The following RGS6 variants were observed in gnomAD, a reference collection of about 807,000 sequenced individuals.
RGS6 encodes regulator of G protein signaling 6.
RGS6 carries 30 observed loss-of-function variants against 78.5 expected under a neutral mutation model. That is an observed-to-expected ratio of 0.38 (90% confidence interval 0.29 to 0.52). RGS6 has a LOEUF of 0.52. Ranked by LOEUF, RGS6 falls within the 20% of genes least tolerant of loss-of-function variation. The pLI is 0.85. For missense variants in RGS6, 495 were observed against 609.7 expected, an observed-to-expected ratio of 0.81 and a Z score of 1.98; for synonymous variants, 206 against 206.0, an observed-to-expected ratio of 1.00 and a Z score of 0.00.
intron 17 of RGS6, among the ~76,000 whole-genome samples, chr14:72,551,229 CA>C (rs2097502319): frequency 6.6e-6 from 1 of 152,164 alleles, no homozygotes; most frequent in African/African-American, 2.4e-5. Context: ...CCCCGTGACC[CA>C]CCCTTCAGCA....
chr14:72,047,647 T>C (rs1236402249), intron 2 of RGS6, among the ~76,000 whole-genome samples: 1 of 152,240 alleles, frequency 6.6e-6, no homozygotes, highest in African/African-American at 2.4e-5. Context: ...AGATATGGCA[T>C]TAACAGTGAT....
intron 2 of RGS6, among the ~76,000 whole-genome samples, chr14:72,064,726 A>G (rs1484698758): frequency 6.6e-6 from 1 of 152,260 alleles, no homozygotes; most frequent in East Asian, 1.9e-4. Flanking sequence ...AGTAGGTACA[A>G]CAAAAGAAGC....
chr14:72,390,140 C>T (rs973337807), intron 3 of RGS6, among the ~76,000 whole-genome samples: 6 of 149,072 alleles, frequency 4.0e-5, no homozygotes, highest in Non-Finnish European at 8.9e-5. Flanking sequence ...CTCTGTCACC[C>T]AGGATGGAGT....
intron 2 of RGS6, among the ~76,000 whole-genome samples, chr14:72,347,495 G>A (rs981066890): frequency 6.6e-6 from 1 of 152,202 alleles, no homozygotes; most frequent in Non-Finnish European, 1.5e-5. Context: ...ATGGTATTAA[G>A]TGCCTTGTGT....
chr14:72,066,010 T>C (rs1490497992), intron 2 of RGS6, among the ~76,000 whole-genome samples: 1 of 147,738 alleles, frequency 6.8e-6, no homozygotes, highest in Non-Finnish European at 1.5e-5. Context: ...TATTAAGCCA[T>C]GTCTCTGCCT....
At chr14:72,431,143 A>T (rs1195452962) in intron 3 of RGS6, among the ~76,000 whole-genome samples, 1 of 152,326 alleles carries the variant, frequency 6.6e-6, no homozygotes, top group East Asian at 1.9e-4. Context: ...GTACACTTGG[A>T]AACAACAAGG....
chr14:72,279,483 T>G (rs187697072), intron 2 of RGS6, among the ~76,000 whole-genome samples: 164 of 152,272 alleles, frequency 1.1e-3, no homozygotes, highest in African/African-American at 3.5e-3. Flanking sequence ...TAAGAAGGTC[T>G]CTTTGGCCTA....
the RGS6 span, among the ~76,000 whole-genome samples, chr14:71,897,814 C>A: frequency 6.6e-6 from 1 of 152,108 alleles, no homozygotes; most frequent in Non-Finnish European, 1.5e-5. Flanking sequence ...CCACCGCGCC[C>A]GGCCCCATGG....
chr14:72,409,758 CTG>C (rs1251596628), intron 3 of RGS6, among the ~76,000 whole-genome samples: 1 of 152,080 alleles, frequency 6.6e-6, no homozygotes, highest in Non-Finnish European at 1.5e-5. Context: ...GTTCCCCTTC[CTG>C]TGTCCATGTG....
At chr14:72,182,719 A>G (rs1598992324) in intron 2 of RGS6, among the ~76,000 whole-genome samples, 2 of 152,320 alleles carry the variant, frequency 1.3e-5, no homozygotes, top group East Asian at 1.9e-4. Context: ...TGCTCCCACT[A>G]TTTTAGATGA....
At chr14:72,051,505 G>A (rs1453145739) in intron 2 of RGS6, among the ~76,000 whole-genome samples, 2 of 152,064 alleles carry the variant, frequency 1.3e-5, no homozygotes, top group African/African-American at 2.4e-5. Flanking sequence ...AATTATAATA[G>A]CCAATGGTAT....
chr14:72,448,128 G>A (rs1259103900), intron 3 of RGS6, among the ~76,000 whole-genome samples: 5 of 152,188 alleles, frequency 3.3e-5, no homozygotes, highest in East Asian at 1.9e-4. Context: ...CCTAGTTGAC[G>A]TATGAAGAAA....
intron 2 of RGS6, among the ~76,000 whole-genome samples, chr14:72,140,269 A>G (rs1409455991): frequency 6.6e-6 from 1 of 152,238 alleles, no homozygotes; most frequent in Non-Finnish European, 1.5e-5. Flanking sequence ...TAGGAAGAGA[A>G]GGAACTATAC....
In RGS6 at chr14:72,034,087, C is replaced by T. The variant is rs140708962; in HGVS notation, c.84+69212C>T. On this transcript the variant is annotated intron_variant, in intron 2 of 17. Transcript: ENST00000553525. ...ACATAGATGTCTCTATTCTTCAAGT[C>T]CTTTGCCCAATTTTAAGATTGGTTT... Among the ~76,000 whole-genome samples the T allele has an allele frequency of 4.0e-3, 609 of 152,166 alleles. 4 individuals are homozygous for T. The highest frequency in any genetic ancestry group is 0.014 in the African/African-American group (593 of 41,510).
intron 5 of RGS6, among the ~76,000 whole-genome samples, chr14:72,459,381 G>T (rs759418160): frequency 6.6e-6 from 1 of 152,236 alleles, no homozygotes; most frequent in Non-Finnish European, 1.5e-5. Context: ...CTCAGGATAA[G>T]AATATATTGC....
intron 2 of RGS6, among the ~76,000 whole-genome samples, chr14:72,122,428 T>A (rs1354692946): frequency 6.6e-6 from 1 of 152,214 alleles, no homozygotes; most frequent in Non-Finnish European, 1.5e-5. Context: ...TGAGGTTATA[T>A]TAAGTTTACT....
intron 2 of RGS6, 78 bp downstream of exon 2, chr14:71,964,953 A>G (rs1175161568): frequency 2.9e-6 from 3 of 1,045,158 alleles, no homozygotes; most frequent in Non-Finnish European, 4.1e-6. Context: ...AAAAAGACAA[A>G]TGTTTTCTGC....
At chr14:72,331,833 G>A (rs574999339) in intron 2 of RGS6, among the ~76,000 whole-genome samples, 8 of 152,262 alleles carry the variant, frequency 5.3e-5, no homozygotes, top group African/African-American at 1.9e-4. Flanking sequence ...TTTCTCCGTG[G>A]ACTATCCAGA....
chr14:72,343,091 G>A (rs551028969), intron 2 of RGS6, among the ~76,000 whole-genome samples: 7 of 152,302 alleles, frequency 4.6e-5, no homozygotes, highest in South Asian at 2.1e-4. Flanking sequence ...GTGTGTATTC[G>A]TTTTCTATTG....
Sources: gnomAD v4.1 joint callset for allele counts (sites outside exome capture counted in the v4.1 genomes callset) on GRCh38, gnomAD v4.1.1 for gene constraint, MANE v1.5 for transcripts, NCBI Gene and HGNC (gene_info 2026-07-23, HGNC 2026-07-21) for gene names.